MYOG: variants seen among roughly 807,000 people sequenced by gnomAD.
MYOG encodes the protein myogenin.
In MYOG, 6 loss-of-function variants were observed where a neutral mutation model predicts 17.7. The observed-to-expected ratio is 0.34, with a 90% confidence interval of 0.19 to 0.67. MYOG has a LOEUF of 0.67. Among genes scored for constraint, MYOG ranks in the 30% least tolerant of loss-of-function variants. The pLI is 0.69. For synonymous variants in MYOG, 125 were observed against 130.2 expected (o/e 0.96, Z 0.27); for missense variants, 272 against 302.0 (o/e 0.90, Z 0.74).
intron 1 of MYOG, 36 bp from the exon 2 acceptor site, chr1:203,084,764 A>G (rs754819594): frequency 3.8e-6 from 6 of 1,565,852 alleles, no homozygotes; most frequent in East Asian, 2.4e-5. Flanking sequence ...GTCGGGGCAC[A>G]GCCATTCTTT....
At position 203,085,851 on chromosome 1, in the gene MYOG, C is replaced by G; in HGVS notation, c.111G>C (p.Arg37=). The part of the protein sequence containing the change: ...LQGFEPPGYE[R]TELTLSPEAP... ...CCTCGGGGCTCAGGGTGAGCTCCGT[C>G]CGCTCGTAGCCTGGTGGTTCGAAGC... The change falls in exon 1 of 3, where the codon CGG becomes CGC. Residue 37 remains arginine (R), a synonymous_variant. Coordinates refer to ENST00000241651, the MANE Select transcript of MYOG (RefSeq NM_002479.6). 6.2e-7 allele frequency: 1 copy of G among 1,614,022 alleles called. No individual in the cohort carries two copies. The highest frequency in any genetic ancestry group is 1.1e-5 in the South Asian group (1 of 91,082).
rs763441088 is a variant in MYOG at position 203,084,735 on chromosome 1, G to A, written c.472-7C>T. On this transcript the variant is annotated splice_polypyrimidine_tract_variant and splice_region_variant and intron_variant, in intron 1 of 2. Coordinates refer to ENST00000241651, the MANE Select transcript of MYOG (RefSeq NM_002479.6). ...AGCTGCATTCGCTGGGCACCTGCAA[G>A]ACAGGGCGAAGGCCCAAGGTCGGGG... 7.5e-6 allele frequency: 12 copies of A among 1,603,826 alleles called. No individual in the cohort carries two copies. In the South Asian group the frequency reaches 9.0e-5, roughly 12 times the overall value.
Position 203,085,993 on chromosome 1 carries a change from C to A in MYOG, c.-32G>T, listed in dbSNP as rs1275075325. On this transcript the variant is annotated 5_prime_UTR_variant, in exon 1 of 3. Transcript: ENST00000241651. ...GGAAAAGGCTTGTTCCTGCCACCAG[C>A]CCCCAAGCTCCAGCAGCCCCTCACG... The A allele has an allele frequency of 6.8e-7, 1 of 1,462,922 alleles. No individual in the cohort carries two copies. Among genetic ancestry groups the A allele is most frequent in the Non-Finnish European group, 9.2e-7 (1 of 1,084,144 alleles). 90.6% of individuals were successfully genotyped at this position (1,462,922 alleles called of 1,614,324 possible).
intron 1 of MYOG, 22 bp downstream of exon 1, chr1:203,085,468 AG>A (rs780219066): frequency 6.3e-7 from 1 of 1,593,212 alleles, no homozygotes; most frequent in African/African-American, 1.3e-5. Context: ...CCCTTGGGGC[AG>A]GGGGATGGGA....
At position 203,083,649 on chromosome 1, in the gene MYOG, G is replaced by A. The variant is rs370185941; in HGVS notation, c.*261C>T. On this transcript the variant is annotated 3_prime_UTR_variant, in exon 3 of 3. Coordinates refer to ENST00000241651, the MANE Select transcript of MYOG (RefSeq NM_002479.6). Reference sequence around the variant, plus strand: ...CCTGAGCTGGGGCATACACGAGGGGGCGCTCTGGTCCCCTGCTTTACCTCC... The same window carrying A: ...CCTGAGCTGGGGCATACACGAGGGGACGCTCTGGTCCCCTGCTTTACCTCC... 3.8e-5 allele frequency: 22 copies of A among 579,980 alleles called. 1 individual carries two copies. The highest frequency in any genetic ancestry group is 1.2e-4 in the Admixed American group (4 of 33,646). The allele number at this position is 579,980 out of a possible 1,614,324, so 35.9% of individuals were successfully genotyped here. A position where few individuals can be genotyped will look rare whatever the true frequency, so the allele number is the denominator to read the frequency against.
chr1:203,083,446 C>T lies in MYOG; in HGVS notation c.*464G>A, dbSNP rs1653537594. 7.7e-6 allele frequency: 3 copies of T among 388,992 alleles called. No individual in the cohort carries two copies. Among genetic ancestry groups the T allele is most frequent in the Middle Eastern group, 6.5e-4 (1 of 1,538 alleles). The allele number at this position is 388,992 out of a possible 1,614,324, so 24.1% of individuals were successfully genotyped here. On this transcript the variant is annotated 3_prime_UTR_variant, in exon 3 of 3. Coordinates refer to ENST00000241651, the MANE Select transcript of MYOG (RefSeq NM_002479.6). The stretch of plus-strand genomic sequence containing the variant: ...TTGGGAACAGAGGGCTGTTCCTCTC[C>T]CCTTCTTCTCTCTCAATTCAGGGCA...
At position 203,083,500 on chromosome 1, in the gene MYOG, G is replaced by A. The variant is rs553142448; in HGVS notation, c.*410C>T. On this transcript the variant is annotated 3_prime_UTR_variant, in exon 3 of 3. Coordinates refer to ENST00000241651, the MANE Select transcript of MYOG (RefSeq NM_002479.6). ...CCAGCCCAGCCACTGGCATCGGGAAGAGACCAGAACAGGAGACGTGCACAG... is the reference window on the plus strand; with the variant it reads ...CCAGCCCAGCCACTGGCATCGGGAAAAGACCAGAACAGGAGACGTGCACAG... 5 of 424,004 alleles carry A rather than the reference G, an allele frequency of 1.2e-5. No homozygotes were observed. The highest frequency in any genetic ancestry group is 2.1e-5 in the Non-Finnish European group (5 of 240,280). 26.3% of individuals were successfully genotyped at this position (424,004 alleles called of 1,614,324 possible).
In MYOG at chr1:203,085,585, A is replaced by G. The variant is rs1190326649; in HGVS notation, c.377T>C (p.Ile126Thr). ...GGCCTGGAGGCGCTCGATGTACTGG[A>G]TGGCACTGCGCAGGATCTCCACCTT... ...LPKVEILRSA[I>T]QYIERLQALL... The change falls in exon 1 of 3, where the codon ATC becomes ACC. Residue 126 changes from isoleucine (I) to threonine (T), a missense_variant. By Grantham distance (89) the Ile-to-Thr change is moderately conservative. Transcript: ENST00000241651. 1.2e-6 allele frequency: 2 copies of G among 1,614,018 alleles called. No individual in the cohort carries two copies. Among genetic ancestry groups the G allele is most frequent in the African/African-American group, 2.7e-5 (2 of 74,916 alleles).
At position 203,084,558 on chromosome 1, in the gene MYOG, C is replaced by T. The variant is rs74570638; in HGVS notation, c.553+89G>A. 5.0e-3 allele frequency: 6,015 copies of T among 1,200,350 alleles called. 161 individuals are homozygous for T. In the East Asian group the frequency reaches 0.057, roughly 11 times the overall value. 74.4% of individuals were successfully genotyped at this position (1,200,350 alleles called of 1,614,324 possible). A position where few individuals can be genotyped will look rare whatever the true frequency, so the allele number is the denominator to read the frequency against. On this transcript the variant is annotated intron_variant, in intron 2 of 2. Transcript: ENST00000241651. ...CTAGAGAGACCCAAGGGAAGAGGAC[C>T]GGAGCAAGGAATAAGGTAAGAGGGG... is the stretch of plus-strand genomic sequence containing the variant.
rs779556757 is a variant in MYOG at position 203,084,037 on chromosome 1, AG to A, written c.554-7del. On this transcript the variant is annotated splice_polypyrimidine_tract_variant and splice_region_variant and intron_variant, in intron 2 of 2. Transcript: ENST00000241651. The stretch of plus-strand genomic sequence containing the variant: ...GTCAGCCGTGAGCAGATGATCTGTA[AG>A]GGGAGGTGGGAAGGTGGTACCTGGG... 8 of 1,595,676 alleles carry A rather than the reference AG, an allele frequency of 5.0e-6. No homozygotes were observed. The Admixed American group carries it at 7.0e-5, about 14-fold the overall frequency.
At position 203,083,708 on chromosome 1, in the gene MYOG, A is replaced by G; in HGVS notation, c.*202T>C. ...GGGATGCCCTCTCCTCTAAGGAGGC[A>G]GCTGAATGAGGGCGTCCAGTCCCTT... On this transcript the variant is annotated 3_prime_UTR_variant, in exon 3 of 3. Transcript: ENST00000241651. 4 of 734,702 alleles carry G rather than the reference A, an allele frequency of 5.4e-6. No individual in the cohort carries two copies. Among genetic ancestry groups the G allele is most frequent in the Non-Finnish European group, 8.8e-6 (4 of 456,798 alleles). 45.5% of individuals were successfully genotyped at this position (734,702 alleles called of 1,614,324 possible). A position where few individuals can be genotyped will look rare whatever the true frequency, so the allele number is the denominator to read the frequency against.
chr1:203,083,568 T>TG lies in MYOG; in HGVS notation c.*341dup, dbSNP rs1358122889. The TG allele has an allele frequency of 2.5e-5, 13 of 522,960 alleles. No individual in the cohort carries two copies. Among genetic ancestry groups the TG allele is most frequent in the Non-Finnish European group, 3.4e-6 (1 of 295,646 alleles). The allele number at this position is 522,960 out of a possible 1,614,324, so 32.4% of individuals were successfully genotyped here. Reference sequence around the variant, plus strand: ...ACTGCGTCTCTCAAACCGTTTCACTTGGGGGGTGGAATTAGAGGCCGCGTT... The same window carrying TG: ...ACTGCGTCTCTCAAACCGTTTCACTTGGGGGGGTGGAATTAGAGGCCGCGTT... On this transcript the variant is annotated 3_prime_UTR_variant, in exon 3 of 3. Transcript: ENST00000241651.
chr1:203,085,432 T>C (rs1653592828), intron 1 of MYOG, 59 bp downstream of exon 1: 3 of 1,470,710 alleles, frequency 2.0e-6, no homozygotes, highest in Non-Finnish European at 2.7e-6. Context: ...CTTGAGGCTG[T>C]CCAGGTGCCT....
intron 1 of MYOG, 138 bp downstream of exon 1, chr1:203,085,353 G>C (rs938376235): frequency 2.6e-6 from 2 of 770,204 alleles, no homozygotes; most frequent in African/African-American, 3.5e-5. Flanking sequence ...GCTCTGACCA[G>C]GGAAGGGCTC....
In MYOG at chr1:203,085,968, G is replaced by T; in HGVS notation, c.-7C>A. On this transcript the variant is annotated 5_prime_UTR_variant, in exon 1 of 3. Coordinates refer to ENST00000241651, the MANE Select transcript of MYOG (RefSeq NM_002479.6). The stretch of plus-strand genomic sequence containing the variant: ...ATGTCTCATACAGCTCCATGGGGTC[G>T]GAAAAGGCTTGTTCCTGCCACCAGC... 6.5e-7 allele frequency: 1 copy of T among 1,541,618 alleles called. No individual in the cohort carries two copies. The highest frequency in any genetic ancestry group is 1.3e-5 in the South Asian group (1 of 78,872).
rs757598090 is a variant in MYOG, at chr1:203,085,932, G to T, written c.30C>A (p.Phe10Leu). MELYETSPY[F>L]YQEPRFYDGE... Reference sequence around the variant, plus strand: ...CATCATAGAAGCGGGGTTCCTGGTAGAAGTAGGGGGATGTCTCATACAGCT... The same window carrying T: ...CATCATAGAAGCGGGGTTCCTGGTATAAGTAGGGGGATGTCTCATACAGCT... The change falls in exon 1 of 3, where the codon TTC becomes TTA. Residue 10 changes from phenylalanine to leucine, a missense_variant. Physicochemically the swap from Phe to Leu is conservative, Grantham distance 22. Coordinates refer to ENST00000241651, the MANE Select transcript of MYOG (RefSeq NM_002479.6). The T allele has an allele frequency of 6.3e-7, 1 of 1,598,166 alleles. No homozygotes were observed. Among genetic ancestry groups the T allele is most frequent in the Admixed American group, 1.7e-5 (1 of 57,460 alleles).
Position 203,083,946 on chromosome 1 carries a change from C to T in MYOG, c.639G>A (p.Val213=), listed in dbSNP as rs973926924. 6.3e-7 allele frequency: 1 copy of T among 1,591,336 alleles called. No homozygotes were observed. The part of the protein sequence containing the change: ...SIVDSITVED[V]SVAFPDETMP... Reference sequence around the variant, plus strand: ...TGGTTTCATCTGGGAAGGCCACAGACACATCTTCCACTGTGATGCTGTCCA... The same window carrying T: ...TGGTTTCATCTGGGAAGGCCACAGATACATCTTCCACTGTGATGCTGTCCA... The change falls in exon 3 of 3, where the codon GTG becomes GTA. Residue 213 remains valine, a synonymous_variant. Coordinates refer to ENST00000241651, the MANE Select transcript of MYOG (RefSeq NM_002479.6).
chr1:203,085,826 C>T lies in MYOG; in HGVS notation c.136G>A (p.Ala46Thr). 6.2e-7 allele frequency: 1 copy of T among 1,613,992 alleles called. No individual in the cohort carries two copies. Among genetic ancestry groups the T allele is most frequent in the South Asian group, 1.1e-5 (1 of 91,080 alleles). ...ERTELTLSPE[A>T]PGPLEDKGLG... is the part of the protein sequence containing the mutation. ...CCCTTGTCCTCAAGGGGCCCTGGGGCCTCGGGGCTCAGGGTGAGCTCCGTC... is the reference window on the plus strand; with the variant it reads ...CCCTTGTCCTCAAGGGGCCCTGGGGTCTCGGGGCTCAGGGTGAGCTCCGTC... The change falls in exon 1 of 3, where the codon GCC becomes ACC. Residue 46 changes from alanine (A) to threonine (T), a missense_variant. Physicochemically the swap from Ala to Thr is moderately conservative, Grantham distance 58. Transcript: ENST00000241651.
At position 203,083,341 on chromosome 1, in the gene MYOG, A is replaced by G. The variant is rs2102713501; in HGVS notation, c.*569T>C. On this transcript the variant is annotated 3_prime_UTR_variant, in exon 3 of 3. Coordinates refer to ENST00000241651, the MANE Select transcript of MYOG (RefSeq NM_002479.6). ...CCTTGGTCGGATGGCAGCTTTACAA[A>G]CAACACACGAAACAAAACAAAACAT... The G allele has an allele frequency of 4.8e-6, 1 of 207,470 alleles. No homozygotes were observed. The highest frequency in any genetic ancestry group is 9.5e-6 in the Non-Finnish European group (1 of 105,122). The allele number at this position is 207,470 out of a possible 1,614,324, so 12.9% of individuals were successfully genotyped here.
Sources: allele counts gnomAD v4.1 joint callset, GRCh38; gene constraint gnomAD v4.1.1; transcripts MANE v1.5; gene names NCBI Gene and HGNC (gene_info 2026-07-23, HGNC 2026-07-21).